The following SV2C variants were observed in gnomAD, a reference collection of about 807,000 sequenced individuals.
The protein encoded by SV2C is solute carrier family 22 member B3.
A neutral mutation model predicts 79.7 loss-of-function variants in SV2C; 49 were observed. The ratio of observed to expected loss-of-function variants is 0.61; its 90% CI spans 0.49 to 0.78. The LOEUF is 0.78. Ranked by LOEUF, SV2C falls within the 30% of genes least tolerant of loss-of-function variation. The pLI, the probability that SV2C is intolerant of heterozygous loss-of-function variation, is 0.00. For synonymous variants in SV2C, 334 were observed against 333.2 expected (o/e 1.00, Z -0.03); for missense variants, 833 against 912.9 (o/e 0.91, Z 1.13).
the SV2C span, among the ~76,000 whole-genome samples, chr5:76,073,818 G>T: frequency 1.3e-5 from 2 of 151,890 alleles, no homozygotes; most frequent in Non-Finnish European, 2.9e-5. Context: ...CGCGTGATGG[G>T]TGCACCAACA....
the SV2C span, among the ~76,000 whole-genome samples, chr5:75,879,185 AC>A: frequency 1.3e-5 from 2 of 152,138 alleles, no homozygotes; most frequent in African/African-American, 4.8e-5. Flanking sequence ...TTTGGAGTGG[AC>A]AAATATTCAA....
the SV2C span, among the ~76,000 whole-genome samples, chr5:76,040,666 G>A: frequency 6.6e-6 from 1 of 152,124 alleles, no homozygotes; most frequent in Non-Finnish European, 1.5e-5. Context: ...GAAGCAAATG[G>A]GCTGAATGTG....
intron 12 of SV2C, among the ~76,000 whole-genome samples, chr5:76,312,990 C>T (rs959634274): frequency 6.6e-6 from 1 of 152,212 alleles, no homozygotes; most frequent in Admixed American, 6.5e-5. Context: ...CCCCATTCTT[C>T]AGTTCCGAAG....
the SV2C span, among the ~76,000 whole-genome samples, chr5:75,912,354 G>T: frequency 3.9e-5 from 6 of 152,138 alleles, no homozygotes; most frequent in African/African-American, 1.2e-4. Context: ...TTAGGTGGGT[G>T]TGGTGGCAGG....
At chr5:76,247,725 A>C (rs1745985947) in intron 4 of SV2C, among the ~76,000 whole-genome samples, 1 of 152,222 alleles carries the variant, frequency 6.6e-6, no homozygotes, top group Non-Finnish European at 1.5e-5. Flanking sequence ...TTTAAGTCAA[A>C]GTTTTTAACA....
At chr5:75,920,314 A>C in the SV2C span, among the ~76,000 whole-genome samples, 1 of 152,192 alleles carries the variant, frequency 6.6e-6, no homozygotes, top group Non-Finnish European at 1.5e-5. Context: ...TCAAGAACAA[A>C]AGTTTCTCTA....
chr5:75,992,527 C>T, the SV2C span, among the ~76,000 whole-genome samples: 2 of 151,968 alleles, frequency 1.3e-5, no homozygotes, highest in Non-Finnish European at 2.9e-5. Flanking sequence ...CTACAAATCA[C>T]TACATAAAAT....
At chr5:76,096,159 A>G (rs931100416) in intron 1 of SV2C, among the ~76,000 whole-genome samples, 20 of 152,276 alleles carry the variant, frequency 1.3e-4, no homozygotes, top group African/African-American at 4.8e-4. Context: ...AGCACCTCAT[A>G]TGGCTTGGAT....
chr5:75,979,791 A>G, the SV2C span, among the ~76,000 whole-genome samples: 1 of 152,114 alleles, frequency 6.6e-6, no homozygotes, highest in Admixed American at 6.5e-5. Flanking sequence ...ATCTCAAGTT[A>G]ACAACCTAAC....
chr5:76,001,463 G>A, the SV2C span, among the ~76,000 whole-genome samples: 8 of 152,012 alleles, frequency 5.3e-5, no homozygotes, highest in African/African-American at 1.7e-4. Flanking sequence ...TTAGCCTGGC[G>A]TGGTGGTGGG....
chr5:76,301,290 G>A, intron 11 of SV2C, 96 bp from the exon 12 acceptor site: 3 of 1,508,942 alleles, frequency 2.0e-6, no homozygotes, highest in Non-Finnish European at 2.7e-6. Flanking sequence ...CTTCCACTTA[G>A]AATTCAGTTT....
the SV2C span, among the ~76,000 whole-genome samples, chr5:75,868,278 A>C: frequency 6.6e-6 from 1 of 152,358 alleles, no homozygotes; most frequent in East Asian, 1.9e-4. Flanking sequence ...AGGCCAAATG[A>C]TAACACCCAT....
chr5:76,002,189 T>TAA, the SV2C span, among the ~76,000 whole-genome samples: 1 of 147,750 alleles, frequency 6.8e-6, no homozygotes, highest in Non-Finnish European at 1.5e-5. Context: ...TATATATATA[T>TAA]AATATTTTCT....
chr5:76,093,817 C>A (rs1668662760), intron 1 of SV2C, among the ~76,000 whole-genome samples: 1 of 152,198 alleles, frequency 6.6e-6, no homozygotes, highest in African/African-American at 2.4e-5. Flanking sequence ...TTATTTTCCC[C>A]CTTGTAGACT....
the SV2C span, among the ~76,000 whole-genome samples, chr5:75,970,315 A>G: frequency 1.3e-5 from 2 of 152,110 alleles, no homozygotes; most frequent in Admixed American, 1.3e-4. Flanking sequence ...GCAAGAAATA[A>G]CTAAGATCAG....
At chr5:76,254,850 T>A (rs1746218694) in intron 4 of SV2C, among the ~76,000 whole-genome samples, 1 of 152,214 alleles carries the variant, frequency 6.6e-6, no homozygotes, top group East Asian at 1.9e-4. Flanking sequence ...CATTGCTATC[T>A]GAGGGTAGAA....
At chr5:75,926,980 C>G in the SV2C span, among the ~76,000 whole-genome samples, 1 of 152,160 alleles carries the variant, frequency 6.6e-6, no homozygotes, top group African/African-American at 2.4e-5. Flanking sequence ...AGCCTCTTTA[C>G]TATTTGGCGG....
At chr5:75,896,468 G>A in the SV2C span, among the ~76,000 whole-genome samples, 2 of 150,210 alleles carry the variant, frequency 1.3e-5, no homozygotes, top group African/African-American at 5.0e-5. Flanking sequence ...TATCATTGTT[G>A]GACATTTGGG....
At chr5:75,912,365 C>A in the SV2C span, among the ~76,000 whole-genome samples, 47 of 152,232 alleles carry the variant, frequency 3.1e-4, no homozygotes, top group African/African-American at 1.1e-3. Context: ...TGGTGGCAGG[C>A]ACCTGTAGTT....
Sources: allele counts gnomAD v4.1 joint callset (sites outside exome capture counted in the v4.1 genomes callset), GRCh38; gene constraint gnomAD v4.1.1; transcripts MANE v1.5; gene names NCBI Gene and HGNC (gene_info 2026-07-23, HGNC 2026-07-21).